The following GOLGA8B variants were observed in gnomAD, a reference collection of about 807,000 sequenced individuals.
GOLGA8B encodes golgin A8 family member B.
GOLGA8B carries 1 observed loss-of-function variant against 15.6 expected under a neutral mutation model. The observed-to-expected ratio is 0.06, with a 90% confidence interval of 0.02 to 0.30. The LOEUF (loss-of-function observed/expected upper bound fraction) is 0.30. Among genes scored for constraint, GOLGA8B ranks in the 10% least tolerant of loss-of-function variants. The probability of loss-of-function intolerance (pLI) is 1.00; values close to 1 mark genes in which losing one functional copy is unlikely to be tolerated. For synonymous variants in GOLGA8B, 9 were observed against 80.3 expected (o/e 0.11, Z 4.75); for missense variants, 17 against 201.3 (o/e 0.08, Z 5.54).
chr15:34,542,601 AG>A (rs1888225747), intron 7 of GOLGA8B, among the ~76,000 whole-genome samples: 1 of 152,260 alleles, frequency 6.6e-6, no homozygotes, highest in Non-Finnish European at 1.5e-5. Context: ...CTATTTTGAT[AG>A]GTACATAAAA....
chr15:34,570,223 T>C (rs1888876059), intron 1 of GOLGA8B, among the ~76,000 whole-genome samples: 4 of 150,770 alleles, frequency 2.7e-5, no homozygotes, highest in Middle Eastern at 3.2e-3. Flanking sequence ...CCACAGCCAC[T>C]GACAGCACCT....
At chr15:34,564,791 G>C (rs1440548813) in intron 1 of GOLGA8B, among the ~76,000 whole-genome samples, 1 of 144,072 alleles carries the variant, frequency 6.9e-6, no homozygotes, top group Non-Finnish European at 1.6e-5. Flanking sequence ...ATTATAGGAA[G>C]AAGGCAGAGA....
At chr15:34,574,770 C>A (rs978167592) in intron 1 of GOLGA8B, 1 of 152,334 alleles carries the variant, frequency 6.6e-6, no homozygotes, top group Non-Finnish European at 1.5e-5. Context: ...CACCTCCACA[C>A]CATGCTAGTG....
At chr15:34,577,510 A>G (rs1889115320) in intron 1 of GOLGA8B, among the ~76,000 whole-genome samples, 1 of 2,172 alleles carries the variant, frequency 4.6e-4, no homozygotes, top group Admixed American at 4.9e-3. Context: ...TATATCATAC[A>G]CACACACACA....
intron 1 of GOLGA8B, among the ~76,000 whole-genome samples, chr15:34,574,337 G>A (rs568533799): frequency 1.2e-4 from 17 of 147,282 alleles, no homozygotes; most frequent in South Asian, 2.1e-4. Context: ...AGAAGTTCTC[G>A]CTCTGTCACC....
chr15:34,581,573 G>T (rs1165883858), intron 1 of GOLGA8B: 1 of 144,236 alleles, frequency 6.9e-6, no homozygotes, highest in Non-Finnish European at 1.6e-5. Context: ...CTAACATTTT[G>T]ATTTTTTTTT....
At chr15:34,567,387 G>T (rs1247994691) in intron 1 of GOLGA8B, among the ~76,000 whole-genome samples, 1 of 151,272 alleles carries the variant, frequency 6.6e-6, no homozygotes, top group African/African-American at 2.5e-5. Flanking sequence ...CTTGGGCTGT[G>T]GCTGGCCTGT....
At chr15:34,563,794 T>C (rs1680986498) in intron 1 of GOLGA8B, among the ~76,000 whole-genome samples, 2 of 145,352 alleles carry the variant, frequency 1.4e-5, no homozygotes, top group Admixed American at 1.4e-4. Context: ...AATCTGTGAA[T>C]TACCTGATGA....
At chr15:34,559,984 T>C (rs1233690433) in intron 1 of GOLGA8B, among the ~76,000 whole-genome samples, 1 of 149,570 alleles carries the variant, frequency 6.7e-6, no homozygotes, top group Non-Finnish European at 1.5e-5. Context: ...CTGGGAGGTT[T>C]CAGGAGGACA....
intron 1 of GOLGA8B, among the ~76,000 whole-genome samples, chr15:34,568,055 G>A (rs1888812394): frequency 6.6e-6 from 1 of 150,666 alleles, no homozygotes; most frequent in East Asian, 2.0e-4. Context: ...GGTGTCAGAC[G>A]TCACACAACC....
chr15:34,563,910 T>G (rs1216420636), intron 1 of GOLGA8B, among the ~76,000 whole-genome samples: 1 of 142,382 alleles, frequency 7.0e-6, no homozygotes, highest in Non-Finnish European at 1.6e-5. Flanking sequence ...TAAATAAGAT[T>G]ATAGTTTTGT....
At chr15:34,581,748 C>G (rs1197263693) in intron 1 of GOLGA8B, among the ~76,000 whole-genome samples, 2 of 152,136 alleles carry the variant, frequency 1.3e-5, no homozygotes, top group African/African-American at 2.4e-5. Flanking sequence ...CACACACACT[C>G]ACACTCCGTG....
chr15:34,551,667 T>C (rs1888382392), intron 3 of GOLGA8B, among the ~76,000 whole-genome samples: 1 of 122,060 alleles, frequency 8.2e-6, no homozygotes, highest in African/African-American at 3.0e-5. Flanking sequence ...GTGATTCTCA[T>C]GCCTCAGTCT....
chr15:34,572,840 G>A (rs1332426723), intron 1 of GOLGA8B, among the ~76,000 whole-genome samples: 3 of 152,272 alleles, frequency 2.0e-5, no homozygotes, highest in South Asian at 2.1e-4. Context: ...TATGTTAGGC[G>A]CCACCCCCGT....
At chr15:34,543,627 TAATAC>T (rs1461985580) in intron 7 of GOLGA8B, among the ~76,000 whole-genome samples, 3 of 103,688 alleles carry the variant, frequency 2.9e-5, no homozygotes, top group Non-Finnish European at 5.7e-5. Context: ...TTTTCTTATA[TAATAC>T]ATTTATTTCA....
chr15:34,550,791 C>CA (rs1236106976), intron 4 of GOLGA8B, among the ~76,000 whole-genome samples: 2 of 139,480 alleles, frequency 1.4e-5, no homozygotes, highest in African/African-American at 5.6e-5. Context: ...CTCAGGTGTT[C>CA]AAGACCAGCA....
At chr15:34,566,998 A>G (rs1258551262) in intron 1 of GOLGA8B, among the ~76,000 whole-genome samples, 5 of 117,028 alleles carry the variant, frequency 4.3e-5, no homozygotes, top group Non-Finnish European at 9.2e-5. Context: ...TTTCAGCATC[A>G]CATGGAGTGG....
chr15:34,576,024 G>T (rs1237580637), intron 1 of GOLGA8B, among the ~76,000 whole-genome samples: 1 of 152,222 alleles, frequency 6.6e-6, no homozygotes, highest in Non-Finnish European at 1.5e-5. Context: ...GTCCCTGAGT[G>T]TCAAAGGACT....
At chr15:34,575,118 A>AAAAAAG (rs765447312) in intron 1 of GOLGA8B, among the ~76,000 whole-genome samples, 1 of 151,220 alleles carries the variant, frequency 6.6e-6, no homozygotes. Flanking sequence ...AAAAAAAAAA[A>AAAAAAG]AAGAAGGGTA....
Sources: allele counts gnomAD v4.1 joint callset (sites outside exome capture counted in the v4.1 genomes callset), GRCh38; gene constraint gnomAD v4.1.1; transcripts MANE v1.5; gene names NCBI Gene and HGNC (gene_info 2026-07-23, HGNC 2026-07-21).